The following NAF1 variants were observed in gnomAD, a reference collection of about 807,000 sequenced individuals.
NAF1 encodes the protein nuclear assembly factor 1 ribonucleoprotein.
A neutral mutation model predicts 40.6 loss-of-function variants in NAF1; 11 were observed. The observed-to-expected ratio is 0.27, with a 90% CI of 0.17 to 0.45. The LOEUF is 0.45. NAF1 is among the 20% of genes least tolerant of loss of function. The probability of loss-of-function intolerance (pLI) is 1.00; values close to 1 mark genes in which losing one functional copy is unlikely to be tolerated. For missense variants in NAF1, 607 were observed against 611.1 expected (o/e 0.99, Z 0.07); for synonymous variants, 260 against 228.5 (o/e 1.14, Z -1.24).
At chr4:163,129,387 A>T (rs1182019661) in intron 7 of NAF1, 39 bp from the exon 8 acceptor site, 1 of 1,529,092 alleles carries the variant, frequency 6.5e-7, no homozygotes, top group Non-Finnish European at 8.9e-7. Context: ...AAGGAAAATA[A>T]GTTTAATATA....
intron 7 of NAF1, among the ~76,000 whole-genome samples, chr4:163,131,164 G>A (rs72695101): frequency 0.069 from 10,472 of 152,224 alleles, 421 homozygotes; most frequent in Non-Finnish European, 0.09. Flanking sequence ...GGGCCACTGC[G>A]CTCGGCCAAT....
At chr4:163,129,522 C>A (rs1048386171) in intron 7 of NAF1, among the ~76,000 whole-genome samples, 174 bp from the exon 8 acceptor site, 1 of 151,932 alleles carries the variant, frequency 6.6e-6, no homozygotes, top group African/African-American at 2.4e-5. Context: ...AACTTAATGC[C>A]AAAGAAAGAG....
At chr4:163,137,390 C>T in intron 5 of NAF1, 140 bp from the exon 6 acceptor site, 3 of 818,792 alleles carry the variant, frequency 3.7e-6, no homozygotes, top group Non-Finnish European at 5.4e-6. Flanking sequence ...GTGTCTTTTA[C>T]CTTATTTCAA....
At position 163,166,424 on chromosome 4, in the gene NAF1, C is replaced by A. The variant is rs200055496; in HGVS notation, c.304G>T (p.Ala102Ser). 2.5e-6 allele frequency: 4 copies of A among 1,607,450 alleles called. No individual in the cohort carries two copies. The Admixed American group carries it at 6.7e-5, about 27-fold the overall frequency. ...GAGTCCGGCGCCCGCGCAGGCTCTGCGGCTCCTGGGGAGGTGACGCAGTCT... is the reference window on the plus strand; with the variant it reads ...GAGTCCGGCGCCCGCGCAGGCTCTGAGGCTCCTGGGGAGGTGACGCAGTCT... ...CGDCVTSPGAAEPARAPDSLE... is the reference protein window; with the variant it reads ...CGDCVTSPGASEPARAPDSLE... Residue 102 changes from alanine to serine, a missense_variant, in exon 1 of 8, where the codon GCA becomes TCA. By Grantham distance (99) the Ala-to-Ser change is moderately conservative. Around this residue, in one of 3 missense-constraint regions of NAF1, gnomAD observed 407 missense variants for 365.5 expected, o/e 1.11. Coordinates refer to ENST00000274054, the MANE Select transcript of NAF1 (RefSeq NM_138386.3).
chr4:163,165,034 T>A (rs889505568), intron 1 of NAF1, among the ~76,000 whole-genome samples: 1 of 152,186 alleles, frequency 6.6e-6, no homozygotes, highest in South Asian at 2.1e-4. Context: ...GCTACTACTT[T>A]CATGGATAAT....
chr4:163,155,072 T>A (rs562792649), intron 2 of NAF1, among the ~76,000 whole-genome samples: 6 of 152,300 alleles, frequency 3.9e-5, no homozygotes, highest in African/African-American at 1.4e-4. Flanking sequence ...TTGGCAGCCA[T>A]GTCAGACAAG....
intron 2 of NAF1, among the ~76,000 whole-genome samples, chr4:163,120,986 G>A (rs1471564749): frequency 6.6e-6 from 1 of 152,080 alleles, no homozygotes; most frequent in Non-Finnish European, 1.5e-5. Context: ...CCGCCTCTCG[G>A]GTTCAAGCAA....
chr4:163,157,608 G>A (rs1218454381), intron 2 of NAF1, among the ~76,000 whole-genome samples: 1 of 151,700 alleles, frequency 6.6e-6, no homozygotes, highest in African/African-American at 2.4e-5. Context: ...GTGCTTCTGT[G>A]ATAACAGATA....
In NAF1 at chr4:163,164,344, G is replaced by C; in HGVS notation, c.413C>G (p.Ser138Cys). The C allele has an allele frequency of 6.3e-7, 1 of 1,597,446 alleles. No individual in the cohort carries two copies. ...ACAAGAGGAAGAAGACGACGATGAGGAAGATGAAGAGGAAGACGATGAACT... is the reference window on the plus strand; with the variant it reads ...ACAAGAGGAAGAAGACGACGATGAGCAAGATGAAGAGGAAGACGATGAACT... ...SSSSSSSSSS[S>C]SSSSSSSCIS... Residue 138 changes from serine to cysteine, a missense_variant, in exon 2 of 8, where the codon TCC becomes TGC. Physicochemically the swap from Ser to Cys is moderately radical, Grantham distance 112 (BLOSUM62 -1). Coordinates refer to ENST00000274054, the MANE Select transcript of NAF1 (RefSeq NM_138386.3).
At chr4:163,130,902 G>A (rs988520150) in intron 7 of NAF1, among the ~76,000 whole-genome samples, 9 of 152,136 alleles carry the variant, frequency 5.9e-5, no homozygotes, top group South Asian at 2.1e-4. Context: ...TTTTAGAGAC[G>A]GAGTCTCGCT....
chr4:163,125,766 T>G (rs1288112878), downstream of NAF1, among the ~76,000 whole-genome samples: 3 of 152,232 alleles, frequency 2.0e-5, no homozygotes, highest in African/African-American at 7.2e-5. Flanking sequence ...AGATGCCATC[T>G]AGGATTTTCA....
intron 2 of NAF1, chr4:163,156,887 A>G (rs1732008032): frequency 6.6e-6 from 1 of 152,176 alleles, no homozygotes; most frequent in South Asian, 2.1e-4. Flanking sequence ...GCCATTAGAA[A>G]TAACTATTTT....
At chr4:163,122,325 A>G (rs2110842827), downstream of NAF1, among the ~76,000 whole-genome samples, 1 of 152,322 alleles carries the variant, frequency 6.6e-6, no homozygotes, top group South Asian at 2.1e-4. Context: ...AGCTCTAAAC[A>G]ATCAACAAAA....
At chr4:163,115,102 CA>C (rs1338667174) in intron 2 of NAF1, among the ~76,000 whole-genome samples, 1 of 151,088 alleles carries the variant, frequency 6.6e-6, no homozygotes, top group Non-Finnish European at 1.5e-5. Context: ...AAATAAATTT[CA>C]AAACGTAGGA....
intron 7 of NAF1, among the ~76,000 whole-genome samples, chr4:163,132,737 T>C (rs1251094278): frequency 2.6e-5 from 4 of 152,238 alleles, no homozygotes. Flanking sequence ...ATAAAGGGCA[T>C]ACAGCACCTC....
At chr4:163,120,591 T>A (rs1730489639) in intron 2 of NAF1, among the ~76,000 whole-genome samples, 1 of 152,210 alleles carries the variant, frequency 6.6e-6, no homozygotes, top group South Asian at 2.1e-4. Flanking sequence ...GGTACTCAAC[T>A]AAAATATGCG....
At chr4:163,151,601 G>A (rs974513614) in intron 2 of NAF1, among the ~76,000 whole-genome samples, 4 of 152,036 alleles carry the variant, frequency 2.6e-5, no homozygotes, top group African/African-American at 9.7e-5. Flanking sequence ...ATCTAGTTCA[G>A]TGTCAGTACT....
At chr4:163,118,728 G>A (rs1427292565) in intron 2 of NAF1, among the ~76,000 whole-genome samples, 1 of 152,112 alleles carries the variant, frequency 6.6e-6, no homozygotes, top group Non-Finnish European at 1.5e-5. Context: ...ACTCCAGGCT[G>A]GGCGACAGAG....
At chr4:163,125,158 G>A (rs561614434), downstream of NAF1, among the ~76,000 whole-genome samples, 2 of 152,092 alleles carry the variant, frequency 1.3e-5, no homozygotes, top group South Asian at 2.1e-4. Flanking sequence ...TTCCTATTTC[G>A]TGAAACAGCA....
Sources: allele counts gnomAD v4.1 joint callset (sites outside exome capture counted in the v4.1 genomes callset), GRCh38; gene constraint gnomAD v4.1.1; regional missense constraint gnomAD v4.1.1; transcripts MANE v1.5; gene names NCBI Gene and HGNC (gene_info 2026-07-23, HGNC 2026-07-21).